FLVCR2: variants seen among roughly 807,000 people sequenced by gnomAD.
FLVCR2 encodes choline/ethanolamine transporter FLVCR2.
A neutral mutation model predicts 48.9 loss-of-function variants in FLVCR2; 38 were observed. The ratio of observed to expected loss-of-function variants is 0.78; its 90% CI spans 0.60 to 1.02. FLVCR2 has a LOEUF of 1.02. Ranked by LOEUF, FLVCR2 falls within the 50% of genes least tolerant of loss-of-function variation. The pLI is 0.00. For missense variants in FLVCR2, 664 were observed against 663.3 expected (o/e 1.00, Z -0.01); for synonymous variants, 255 against 257.0 (o/e 0.99, Z 0.07).
intron 1 of FLVCR2, among the ~76,000 whole-genome samples, chr14:75,589,027 A>C (rs897390391): frequency 1.3e-5 from 2 of 152,044 alleles, no homozygotes; most frequent in African/African-American, 4.8e-5. Flanking sequence ...TATGAAATTA[A>C]CAAGAACCAG....
chr14:75,583,031 C>A (rs1049848027), intron 1 of FLVCR2, among the ~76,000 whole-genome samples: 31 of 152,288 alleles, frequency 2.0e-4, no homozygotes, highest in African/African-American at 7.5e-4. Context: ...TCCTTGAAGC[C>A]TTGTGGCAGT....
chr14:75,595,976 A>T, intron 1 of FLVCR2: 2 of 1,517,536 alleles, frequency 1.3e-6, no homozygotes, highest in East Asian at 2.3e-5. Context: ...AATCCAGGGG[A>T]TCATAAATCA....
intron 1 of FLVCR2, among the ~76,000 whole-genome samples, chr14:75,608,788 C>T (rs1018369005): frequency 6.6e-6 from 1 of 152,182 alleles, no homozygotes; most frequent in African/African-American, 2.4e-5. Flanking sequence ...TCATTGTCTT[C>T]CCTGGGTATG....
At chr14:75,597,981 C>T (rs142922599) in intron 1 of FLVCR2, among the ~76,000 whole-genome samples, 1 of 152,214 alleles carries the variant, frequency 6.6e-6, no homozygotes, top group Non-Finnish European at 1.5e-5. Context: ...TGCTTGGAGC[C>T]ATATTCTTGT....
chr14:75,638,979 C>G (rs554797799), intron 5 of FLVCR2, among the ~76,000 whole-genome samples: 2 of 152,308 alleles, frequency 1.3e-5, no homozygotes, highest in East Asian at 3.9e-4. Context: ...CTTTAGCAGG[C>G]CAAGGCAGGT....
chr14:75,640,276 A>AT (rs1370218600), intron 6 of FLVCR2, among the ~76,000 whole-genome samples: 1 of 151,764 alleles, frequency 6.6e-6, no homozygotes, highest in Non-Finnish European at 1.5e-5. Context: ...AAAAAAAAAA[A>AT]AGGAGAAATT....
chr14:75,625,320 A>G (rs941028889), intron 3 of FLVCR2, among the ~76,000 whole-genome samples: 6 of 151,924 alleles, frequency 3.9e-5, no homozygotes, highest in Admixed American at 6.6e-5. Context: ...ATGCACAACA[A>G]CATCCCTCTT....
At chr14:75,592,903 A>G (rs1321763919) in intron 1 of FLVCR2, among the ~76,000 whole-genome samples, 1 of 152,184 alleles carries the variant, frequency 6.6e-6, no homozygotes, top group Non-Finnish European at 1.5e-5. Context: ...ATAAAGCCCT[A>G]AGGCATGGAC....
chr14:75,646,398 T>A lies in FLVCR2; in HGVS notation c.1510-3T>A. On this transcript the variant is annotated splice_region_variant and splice_polypyrimidine_tract_variant and intron_variant, in intron 9 of 9. Transcript: ENST00000238667. Reference sequence around the variant, plus strand: ...AGCACTGCCTGTTTGTTTTGCTTTATAGAAACTCCAAGAGGAGGAGGAGGA... The same window carrying A: ...AGCACTGCCTGTTTGTTTTGCTTTAAAGAAACTCCAAGAGGAGGAGGAGGA... 6.2e-7 allele frequency: 1 copy of A among 1,612,668 alleles called. No homozygotes were observed. Among genetic ancestry groups the A allele is most frequent in the South Asian group, 1.1e-5 (1 of 91,048 alleles).
intron 1 of FLVCR2, among the ~76,000 whole-genome samples, chr14:75,614,696 A>G (rs1281604869): frequency 6.6e-6 from 1 of 152,228 alleles, no homozygotes; most frequent in Admixed American, 6.5e-5. Context: ...GCTGTGATAA[A>G]GAACTGCTTG....
intron 1 of FLVCR2, among the ~76,000 whole-genome samples, chr14:75,608,368 T>C (rs1889351428): frequency 6.6e-6 from 1 of 152,194 alleles, no homozygotes; most frequent in Admixed American, 6.5e-5. Context: ...CTGTGGAGCA[T>C]TCTGGTTCTT....
At chr14:75,593,700 C>G (rs1341508471) in intron 1 of FLVCR2, among the ~76,000 whole-genome samples, 1 of 152,242 alleles carries the variant, frequency 6.6e-6, no homozygotes, top group African/African-American at 2.4e-5. Flanking sequence ...ATATCCGAAC[C>G]ATAGCACTTG....
intron 1 of FLVCR2, among the ~76,000 whole-genome samples, chr14:75,591,503 G>T (rs1302602673): frequency 1.3e-5 from 2 of 150,938 alleles, no homozygotes; most frequent in Admixed American, 1.3e-4. Context: ...TCACAGGTTG[G>T]AATCACATGG....
intron 1 of FLVCR2, among the ~76,000 whole-genome samples, chr14:75,612,502 A>C (rs1211613307): frequency 6.6e-6 from 1 of 152,148 alleles, no homozygotes; most frequent in Admixed American, 6.5e-5. Flanking sequence ...CAAATCAATG[A>C]GGTTGTTTAG....
chr14:75,623,557 C>T (rs1889815490), intron 2 of FLVCR2, among the ~76,000 whole-genome samples: 1 of 152,034 alleles, frequency 6.6e-6, no homozygotes, highest in Non-Finnish European at 1.5e-5. Context: ...AATTGGGTAC[C>T]TCATTCAACC....
intron 1 of FLVCR2, among the ~76,000 whole-genome samples, chr14:75,611,592 C>A (rs554877445): frequency 5.3e-5 from 8 of 152,002 alleles, no homozygotes; most frequent in Non-Finnish European, 8.8e-5. Flanking sequence ...AAAAAATTAG[C>A]CAGGTGTGTT....
Position 75,641,226 on chromosome 14 carries a change from C to T in FLVCR2, c.1386C>T (p.Asp462=). ...IFTISQGQII[D]NYGTKPGNIF... Reference sequence around the variant, plus strand: ...CCATCTCCCAGGGCCAGATTATTGACAACTATGGAACCAAGCCTGGGAACA... The same window carrying T: ...CCATCTCCCAGGGCCAGATTATTGATAACTATGGAACCAAGCCTGGGAACA... Residue 462 remains aspartate (D), a synonymous_variant, in exon 8 of 10, where the codon GAC becomes GAT. Transcript: ENST00000238667. The T allele has an allele frequency of 6.2e-7, 1 of 1,614,014 alleles. No individual in the cohort carries two copies. The highest frequency in any genetic ancestry group is 8.5e-7 in the Non-Finnish European group (1 of 1,179,976).
chr14:75,584,961 G>T (rs10147307), intron 1 of FLVCR2, among the ~76,000 whole-genome samples: 3 of 152,176 alleles, frequency 2.0e-5, no homozygotes, highest in African/African-American at 7.2e-5. Flanking sequence ...TTGGGCAGGT[G>T]GGGGAGGGCT....
In FLVCR2 at chr14:75,641,442, G is replaced by T. The variant is rs578199045; in HGVS notation, c.1453+149G>T. 19 of 704,088 alleles carry T rather than the reference G, an allele frequency of 2.7e-5. 1 individual carries two copies. The highest frequency in any genetic ancestry group is 2.7e-4 in the South Asian group (18 of 66,830). 43.6% of individuals were successfully genotyped at this position (704,088 alleles called of 1,614,324 possible). ...CTGTTGGGAGGCAGCACATTGTTTTGGTAGAATGAGCATGGGTTTTGGAGC... is the reference window on the plus strand; with the variant it reads ...CTGTTGGGAGGCAGCACATTGTTTTTGTAGAATGAGCATGGGTTTTGGAGC... On this transcript the variant is annotated intron_variant, in intron 8 of 9. Coordinates refer to ENST00000238667, the MANE Select transcript of FLVCR2 (RefSeq NM_017791.3).
Sources: allele counts gnomAD v4.1 joint callset (sites outside exome capture counted in the v4.1 genomes callset), GRCh38; gene constraint gnomAD v4.1.1; transcripts MANE v1.5; gene names NCBI Gene and HGNC (gene_info 2026-07-23, HGNC 2026-07-21).